Variants in PRPF3 observed in about 807,000 individuals in gnomAD.
PRPF3 encodes the protein pre-mRNA processing factor 3, also known as U4/U6 small nuclear ribonucleoprotein Prp3.
PRPF3 carries 3 observed loss-of-function variants against 89.2 expected under a neutral mutation model. The ratio of observed to expected loss-of-function variants is 0.03; its 90% CI spans 0.02 to 0.09. PRPF3 has a LOEUF of 0.09. PRPF3 is among the 10% of genes least tolerant of loss of function. PRPF3 has a pLI of 1.00. For synonymous variants in PRPF3, 270 were observed against 289.1 expected (o/e 0.93, Z 0.67); for missense variants, 463 against 828.8 (o/e 0.56, Z 5.42).
Position 150,337,650 on chromosome 1 carries a change from C to T in PRPF3, c.1036-510C>T, listed in dbSNP as rs587615119. Among the ~76,000 whole-genome samples the T allele has an allele frequency of 1.3e-4, 20 of 151,614 alleles. No homozygotes were observed. The South Asian group carries it at 1.9e-3, about 14-fold the overall frequency. The stretch of plus-strand genomic sequence containing the variant: ...AAAATGAGCCGGGCGTGGTGATGGG[C>T]GCCTGTAGTCCCAGCTACTCGGGAG... On this transcript the variant is annotated intron_variant, in intron 7 of 15. Transcript: ENST00000324862.
chr1:150,338,764 C>T (rs1306942954), intron 8 of PRPF3, among the ~76,000 whole-genome samples: 1 of 152,126 alleles, frequency 6.6e-6, no homozygotes, highest in Non-Finnish European at 1.5e-5. Flanking sequence ...ATCCGCCCAC[C>T]TTAGCCTCCC....
intron 6 of PRPF3, 118 bp downstream of exon 6, chr1:150,333,317 T>C: frequency 2.6e-6 from 3 of 1,166,324 alleles, no homozygotes; most frequent in Non-Finnish European, 3.7e-6. Flanking sequence ...CGTAGCACTT[T>C]GGGAGGCTGA....
intron 7 of PRPF3, 71 bp from the exon 8 acceptor site, chr1:150,338,089 A>AAATT: frequency 6.5e-7 from 1 of 1,544,572 alleles, no homozygotes. Context: ...AAAAAAAAAA[A>AAATT]TTGAGATTCT....
intron 3 of PRPF3, among the ~76,000 whole-genome samples, chr1:150,327,235 T>G (rs1233982883): frequency 1.3e-5 from 2 of 151,996 alleles, no homozygotes; most frequent in African/African-American, 4.8e-5. Flanking sequence ...GCCTGGCTAA[T>G]TTTTGTATTT....
At chr1:150,341,684 G>A (rs1341135580) in intron 9 of PRPF3, among the ~76,000 whole-genome samples, 2 of 149,430 alleles carry the variant, frequency 1.3e-5, no homozygotes, top group Admixed American at 6.7e-5. Flanking sequence ...GGGATTATAG[G>A]TGTGAGCCAC....
At chr1:150,331,393 C>T (rs1656366182) in intron 4 of PRPF3, among the ~76,000 whole-genome samples, 1 of 151,538 alleles carries the variant, frequency 6.6e-6, no homozygotes, top group East Asian at 1.9e-4. Context: ...GAGATGGAGT[C>T]TCCCCCTGTT....
chr1:150,338,757 C>T (rs745749569), intron 8 of PRPF3, among the ~76,000 whole-genome samples: 89 of 152,156 alleles, frequency 5.8e-4, no homozygotes, highest in East Asian at 2.1e-3. Flanking sequence ...TCAGGTGATC[C>T]GCCCACCTTA....
At chr1:150,322,794 A>G (rs1013651766) in intron 1 of PRPF3, among the ~76,000 whole-genome samples, 1 of 152,126 alleles carries the variant, frequency 6.6e-6, no homozygotes, top group Non-Finnish European at 1.5e-5. Context: ...GATGATTCCC[A>G]GATCTTTGAT....
In PRPF3 at chr1:150,353,074, A is replaced by T; in HGVS notation, c.*95A>T. 6.5e-7 allele frequency: 1 copy of T among 1,528,662 alleles called. No homozygotes were observed. The highest frequency in any genetic ancestry group is 9.1e-7 in the Non-Finnish European group (1 of 1,104,582). The allele number at this position is 1,528,662 out of a possible 1,614,324, so 94.7% of individuals were successfully genotyped here. On this transcript the variant is annotated 3_prime_UTR_variant, in exon 16 of 16. Coordinates refer to ENST00000324862, the MANE Select transcript of PRPF3 (RefSeq NM_004698.4). Reference sequence around the variant, plus strand: ...CAACCCCCTCCCACTTGTTTGTGTGATCTCAGAACTGTGCCAAGCAGACAC... The same window carrying T: ...CAACCCCCTCCCACTTGTTTGTGTGTTCTCAGAACTGTGCCAAGCAGACAC...
chr1:150,322,814 T>C (rs1315018582), intron 1 of PRPF3, among the ~76,000 whole-genome samples: 1 of 151,942 alleles, frequency 6.6e-6, no homozygotes, highest in Non-Finnish European at 1.5e-5. Context: ...TAAGTGGCAC[T>C]GCTGGGAATA....
At chr1:150,338,981 C>A (rs58419916) in intron 8 of PRPF3, among the ~76,000 whole-genome samples, 1,816 of 152,116 alleles carry the variant, frequency 0.012, 50 homozygotes, top group African/African-American at 0.042. Flanking sequence ...TAATTACATT[C>A]TTTTGCTACG....
At chr1:150,346,548 A>T in intron 14 of PRPF3, 57 bp downstream of exon 14, 1 of 1,495,866 alleles carries the variant, frequency 6.7e-7, no homozygotes, top group Non-Finnish European at 9.3e-7. Context: ...GGGATGGTGC[A>T]TCTGTCCGTT....
chr1:150,349,119 A>C, intron 14 of PRPF3, 38 bp from the exon 15 acceptor site: 2 of 1,544,106 alleles, frequency 1.3e-6, no homozygotes, highest in Non-Finnish European at 1.8e-6. Flanking sequence ...TAGAACCTGA[A>C]TCTCAAGTCT....
At chr1:150,336,711 G>A (rs1553867937) in intron 7 of PRPF3, among the ~76,000 whole-genome samples, 1 of 151,778 alleles carries the variant, frequency 6.6e-6, no homozygotes, top group Admixed American at 6.6e-5. Context: ...AGCTGAGATC[G>A]CACCACTGCA....
chr1:150,348,153 C>A (rs770273852), intron 14 of PRPF3, among the ~76,000 whole-genome samples: 1 of 151,938 alleles, frequency 6.6e-6, no homozygotes, highest in African/African-American at 2.4e-5. Context: ...GAGGCCGAGG[C>A]GGGTGGATCA....
intron 3 of PRPF3, chr1:150,327,543 T>C (rs1384690530): frequency 2.0e-6 from 2 of 984,416 alleles, no homozygotes; most frequent in Non-Finnish European, 1.2e-6. Flanking sequence ...AGAGTCCTTT[T>C]TCTTGAACTG....
Position 150,325,746 on chromosome 1 carries a change from G to T in PRPF3, c.146-5G>T, listed in dbSNP as rs1163076948. The T allele has an allele frequency of 4.3e-6, 7 of 1,611,828 alleles. No individual in the cohort carries two copies. Among genetic ancestry groups the T allele is most frequent in the Non-Finnish European group, 5.1e-6 (6 of 1,178,586 alleles). On this transcript the variant is annotated splice_polypyrimidine_tract_variant and splice_region_variant and intron_variant, in intron 2 of 15. Coordinates refer to ENST00000324862, the MANE Select transcript of PRPF3 (RefSeq NM_004698.4). ...CAACCCTACCACCGCCTTTCTTCCT[G>T]TCAGATCATCTGAAACCTTTTCTTG...
At chr1:150,345,834 TA>T (rs1180081448) in intron 12 of PRPF3, 183 bp from the exon 13 acceptor site, 7 of 675,494 alleles carry the variant, frequency 1.0e-5, no homozygotes, top group Non-Finnish European at 1.9e-5. Flanking sequence ...TGAAGAAATG[TA>T]AGAGTGTGGA....
intron 4 of PRPF3, 72 bp from the exon 5 acceptor site, chr1:150,332,612 G>A: frequency 1.4e-6 from 2 of 1,442,148 alleles, no homozygotes; most frequent in South Asian, 1.1e-5. Context: ...GAGCCTTGTG[G>A]GTTTAAAAAC....
Sources: gnomAD v4.1 joint callset for allele counts (sites outside exome capture counted in the v4.1 genomes callset) on GRCh38, gnomAD v4.1.1 for gene constraint, MANE v1.5 for transcripts, NCBI Gene and HGNC (gene_info 2026-07-23, HGNC 2026-07-21) for gene names.